The following DVL3 variants were observed in gnomAD, a reference collection of about 807,000 sequenced individuals.
DVL3 encodes dishevelled segment polarity protein 3.
In DVL3, 27 loss-of-function variants were observed where a neutral mutation model predicts 67.4. The observed-to-expected ratio is 0.40, with a 90% CI of 0.30 to 0.55. The LOEUF is 0.55. Ranked by LOEUF, DVL3 falls within the 20% of genes least tolerant of loss-of-function variation. The probability of loss-of-function intolerance (pLI) is 0.46; values close to 1 mark genes in which losing one functional copy is unlikely to be tolerated. For synonymous variants in DVL3, 369 were observed against 396.8 expected, an observed-to-expected ratio of 0.93 and a Z score of 0.83; for missense variants, 819 against 1,021.5, an observed-to-expected ratio of 0.80 and a Z score of 2.70.
Position 184,171,009 on chromosome 3 carries a change from C to T in DVL3, c.*254C>T, listed in dbSNP as rs1376691669. ...ATCCCTGCGCAGGACTTCCCAGGAC[C>T]CCTTTTGTCTCTGGGACCAGACTTG... On this transcript the variant is annotated 3_prime_UTR_variant, in exon 15 of 15. Coordinates refer to ENST00000313143, the MANE Select transcript of DVL3 (RefSeq NM_004423.4). The T allele has an allele frequency of 4.4e-5, 63 of 1,446,524 alleles. No homozygotes were observed. The highest frequency in any genetic ancestry group is 5.4e-5 in the Non-Finnish European group (59 of 1,093,796). The allele number at this position is 1,446,524 out of a possible 1,614,324, so 89.6% of individuals were successfully genotyped here.
At chr3:184,161,643 C>T (rs1714385579) in intron 1 of DVL3, among the ~76,000 whole-genome samples, 1 of 152,170 alleles carries the variant, frequency 6.6e-6, no homozygotes, top group Non-Finnish European at 1.5e-5. Flanking sequence ...CTTCTTGCCT[C>T]ACCACATTCC....
In DVL3 at chr3:184,166,738, C is replaced by T; in HGVS notation, c.1048+65C>T. 1 of 1,612,262 alleles carries T rather than the reference C, an allele frequency of 6.2e-7. No homozygotes were observed. The highest frequency in any genetic ancestry group is 8.5e-7 in the Non-Finnish European group (1 of 1,178,988). ...CATACATGAGCACTGTCTCTCCTTTCTTCTCTCACCCAGAACCCCCATATC... is the reference window on the plus strand; with the variant it reads ...CATACATGAGCACTGTCTCTCCTTTTTTCTCTCACCCAGAACCCCCATATC... On this transcript the variant is annotated intron_variant, in intron 10 of 14. Coordinates refer to ENST00000313143, the MANE Select transcript of DVL3 (RefSeq NM_004423.4). This position sits in a 1 kb window ranked among gnomAD's most constrained non-coding sequence, Gnocchi z 6.7.
chr3:184,163,863 C>A lies in DVL3; in HGVS notation c.231+137C>A. On this transcript the variant is annotated intron_variant, in intron 2 of 14. Transcript: ENST00000313143. This position sits in a 1 kb window ranked among gnomAD's most constrained non-coding sequence, Gnocchi z 4.5. ...CTTTAGTTTTGCAAATGAACTGCTT[C>A]TCACCCCAGATTCTGTAACCTTTGA... The A allele has an allele frequency of 1.3e-6, 1 of 741,052 alleles. No homozygotes were observed. Among genetic ancestry groups the A allele is most frequent in the East Asian group, 2.6e-5 (1 of 38,312 alleles). 45.9% of individuals were successfully genotyped at this position (741,052 alleles called of 1,614,324 possible).
Position 184,167,018 on chromosome 3 carries a change from A to AG in DVL3, c.1198+45dup. On this transcript the variant is annotated intron_variant, in intron 11 of 14. Transcript: ENST00000313143. This position sits in a 1 kb window ranked among gnomAD's most constrained non-coding sequence, Gnocchi z 4.6. Reference sequence around the variant, plus strand: ...TCTCCTGGGCCCAGCAGACAGGGCCAGGTGGGGGGACTGATGAGGGTCCAT... The same window carrying AG: ...TCTCCTGGGCCCAGCAGACAGGGCCAGGGTGGGGGGACTGATGAGGGTCCAT... 6.2e-7 allele frequency: 1 copy of AG among 1,604,240 alleles called. No individual in the cohort carries two copies.
In DVL3 at chr3:184,164,477, G is replaced by T; in HGVS notation, c.354-15G>T. 6.2e-7 allele frequency: 1 copy of T among 1,601,764 alleles called. No homozygotes were observed. On this transcript the variant is annotated splice_polypyrimidine_tract_variant and intron_variant, in intron 3 of 14. Coordinates refer to ENST00000313143, the MANE Select transcript of DVL3 (RefSeq NM_004423.4). The surrounding 1 kb of genome is among the most constrained non-coding windows in gnomAD (Gnocchi z 5.3). ...CCCAGCCTGCCCCCTCCCCCATCAA[G>T]TCTCTTCCCTGCAGCCCTCATGCTG...
intron 13 of DVL3, 129 bp from the exon 14 acceptor site, chr3:184,169,875 GCT>G (rs373702129): frequency 2.5e-6 from 2 of 802,514 alleles, no homozygotes; most frequent in African/African-American, 3.5e-5. Flanking sequence ...GAAGGGGGGA[GCT>G]CTCTGGGCTG....
chr3:184,164,298 C>T lies in DVL3; in HGVS notation c.263C>T (p.Pro88Leu). The change falls in exon 3 of 15, where the codon CCA becomes CTA. Residue 88 changes from proline to leucine, a missense_variant. Physicochemically the swap from Pro to Leu is moderately conservative, Grantham distance 98. Around this residue, in one of 3 missense-constraint regions of DVL3, gnomAD observed 385 missense variants for 486.8 expected, o/e 0.79. Coordinates refer to ENST00000313143, the MANE Select transcript of DVL3 (RefSeq NM_004423.4). The surrounding 1 kb of genome is among the most constrained non-coding windows in gnomAD (Gnocchi z 5.3). ...LVSAEGSHPD[P>L]APFCADNPSE... Reference sequence around the variant, plus strand: ...TCAGCTGAGGGCTCACACCCAGACCCAGCCCCCTTCTGTGCTGATAACCCA... The same window carrying T: ...TCAGCTGAGGGCTCACACCCAGACCTAGCCCCCTTCTGTGCTGATAACCCA... 1 of 1,614,180 alleles carries T rather than the reference C, an allele frequency of 6.2e-7. No homozygotes were observed.
Position 184,167,938 on chromosome 3 carries a change from C to G in DVL3, c.1371C>G (p.Gly457=), listed in dbSNP as rs144312496. The G allele has an allele frequency of 3.0e-4, 482 of 1,614,162 alleles. 1 individual carries two copies. Among genetic ancestry groups the G allele is most frequent in the Non-Finnish European group, 4.0e-4 (470 of 1,180,058 alleles). Residue 457 remains glycine, a synonymous_variant, in exon 13 of 15, where the codon GGC becomes GGG. Transcript: ENST00000313143. The surrounding 1 kb of genome is among the most constrained non-coding windows in gnomAD (Gnocchi z 4.6). ...ACTGGCTGTACCACAATGTGGAAGG[C>G]TTCACGGACCGGAGGGAGGCCCGCA... ...VVDWLYHNVE[G]FTDRREARKY... is the part of the protein sequence containing the mutation.
rs1363511400 is a variant in DVL3, at chr3:184,167,573, C to T, written c.1199-7C>T. 2 of 1,612,792 alleles carry T rather than the reference C, an allele frequency of 1.2e-6. No individual in the cohort carries two copies. Among genetic ancestry groups the T allele is most frequent in the African/African-American group, 1.3e-5 (1 of 75,060 alleles). ...TTCTGCCTCACCATTCTGCCTCCCA[C>T]CCCCAGGCCTAGACGACTTCCACTT... On this transcript the variant is annotated splice_polypyrimidine_tract_variant and splice_region_variant and intron_variant, in intron 11 of 14. Transcript: ENST00000313143. The surrounding 1 kb of genome is among the most constrained non-coding windows in gnomAD (Gnocchi z 4.6).
rs1262875093 is a variant in DVL3, at chr3:184,155,536, TTG to T, written c.-99_-98del. On this transcript the variant is annotated 5_prime_UTR_variant, in exon 1 of 15. Transcript: ENST00000313143. This position sits in a 1 kb window ranked among gnomAD's most constrained non-coding sequence, Gnocchi z 5.4. ...CGCCGCCAGCAGCCGCCGAGCTGGG[TTG>T]AGCCGCTGGGCCGCGCCGCGCGCCG... The T allele has an allele frequency of 1.0e-5, 8 of 776,442 alleles. No individual in the cohort carries two copies. Among genetic ancestry groups the T allele is most frequent in the Admixed American group, 6.4e-5 (1 of 15,634 alleles). 48.1% of individuals were successfully genotyped at this position (776,442 alleles called of 1,614,324 possible).
Position 184,171,051 on chromosome 3 carries a change from C to T in DVL3, c.*296C>T. ...CCAGACTTGTTGGTGCTACCCCTTACTCCCCTCTGCAACCCCCATTTTGGG... is the reference window on the plus strand; with the variant it reads ...CCAGACTTGTTGGTGCTACCCCTTATTCCCCTCTGCAACCCCCATTTTGGG... On this transcript the variant is annotated 3_prime_UTR_variant, in exon 15 of 15. Coordinates refer to ENST00000313143, the MANE Select transcript of DVL3 (RefSeq NM_004423.4). 7.6e-7 allele frequency: 1 copy of T among 1,317,780 alleles called. No homozygotes were observed. Among genetic ancestry groups the T allele is most frequent in the Non-Finnish European group, 9.8e-7 (1 of 1,023,772 alleles). 81.6% of individuals were successfully genotyped at this position (1,317,780 alleles called of 1,614,324 possible).
chr3:184,156,829 CCCTCCAGGCCTGAAGG>C, intron 1 of DVL3: 1 of 273,608 alleles, frequency 3.7e-6, no homozygotes, highest in Non-Finnish European at 7.3e-6. Context: ...TGGGGAAGGC[CCCTCCAGGCCTGAAGG>C]CTGCCTCTCC....
rs960523945 is a variant in DVL3, at chr3:184,167,418, A to C, written c.1199-162A>C. Among the ~76,000 whole-genome samples the C allele has an allele frequency of 3.3e-5, 5 of 152,204 alleles. No individual in the cohort carries two copies. Among genetic ancestry groups the C allele is most frequent in the African/African-American group, 1.2e-4 (5 of 41,444 alleles). ...AAATAGCCTTGTAAAGTAGATATTA[A>C]AATCCCCATTTTTTACAGAAGGGGA... On this transcript the variant is annotated intron_variant, in intron 11 of 14. Coordinates refer to ENST00000313143, the MANE Select transcript of DVL3 (RefSeq NM_004423.4). This position sits in a 1 kb window ranked among gnomAD's most constrained non-coding sequence, Gnocchi z 4.6.
chr3:184,160,676 G>C (rs763067370), intron 1 of DVL3, among the ~76,000 whole-genome samples: 1 of 152,146 alleles, frequency 6.6e-6, no homozygotes, highest in East Asian at 1.9e-4. Flanking sequence ...GTGGCCTGTC[G>C]ATGACCCCCA....
At chr3:184,157,056 C>G (rs944231291) in intron 1 of DVL3, 9 of 156,360 alleles carry the variant, frequency 5.8e-5, no homozygotes, top group Non-Finnish European at 1.3e-4. Flanking sequence ...TTGGATGAGC[C>G]CCTGAAATCA....
Position 184,166,304 on chromosome 3 carries a change from G to T in DVL3, c.903+39G>T. The T allele has an allele frequency of 6.2e-7, 1 of 1,607,498 alleles. No individual in the cohort carries two copies. On this transcript the variant is annotated intron_variant, in intron 8 of 14. Transcript: ENST00000313143. The surrounding 1 kb of genome is among the most constrained non-coding windows in gnomAD (Gnocchi z 6.7). ...TCCTAGGCGGTGGTGTGGATAGAGG[G>T]CAGGGAGGTGTCCTACCATCTGTAC... is the stretch of plus-strand genomic sequence containing the variant.
At position 184,164,232 on chromosome 3, in the gene DVL3, T is replaced by A; in HGVS notation, c.232-35T>A. ...ACTATCCCCTTCTCCTTGATGCTCCTGTAACATACTACTCACTCAGTTTCT... is the reference window on the plus strand; with the variant it reads ...ACTATCCCCTTCTCCTTGATGCTCCAGTAACATACTACTCACTCAGTTTCT... On this transcript the variant is annotated intron_variant, in intron 2 of 14. Transcript: ENST00000313143. The surrounding 1 kb of genome is among the most constrained non-coding windows in gnomAD (Gnocchi z 5.3). 1 of 1,609,192 alleles carries A rather than the reference T, an allele frequency of 6.2e-7. No homozygotes were observed. Among genetic ancestry groups the A allele is most frequent in the Non-Finnish European group, 8.5e-7 (1 of 1,177,564 alleles).
rs538247475 is a variant in DVL3, at chr3:184,166,802, C to T, written c.1049-24C>T. The T allele has an allele frequency of 7.3e-5, 117 of 1,613,586 alleles. No homozygotes were observed. The South Asian group carries it at 1.2e-3, about 16-fold the overall frequency. ...CCAGCAGTGGGTGGGGTGGGTAGCC[C>T]ATGACTCCTCATCCTCCCTGCAGGC... On this transcript the variant is annotated intron_variant, in intron 10 of 14. Transcript: ENST00000313143. This position sits in a 1 kb window ranked among gnomAD's most constrained non-coding sequence, Gnocchi z 6.7.
At position 184,165,230 on chromosome 3, in the gene DVL3, A is replaced by T. The variant is rs1441149345; in HGVS notation, c.693+24A>T. The T allele has an allele frequency of 6.4e-7, 1 of 1,571,928 alleles. No individual in the cohort carries two copies. Among genetic ancestry groups the T allele is most frequent in the African/African-American group, 1.4e-5 (1 of 73,930 alleles). On this transcript the variant is annotated intron_variant, in intron 6 of 14. Coordinates refer to ENST00000313143, the MANE Select transcript of DVL3 (RefSeq NM_004423.4). This position sits in a 1 kb window ranked among gnomAD's most constrained non-coding sequence, Gnocchi z 4.1. ...GGGTATGGGGTCTGGGAGGCTAGGG[A>T]TGGGTGGAGGCAGATTGTGAGCCCT...
Sources: gnomAD v4.1 joint callset for allele counts (sites outside exome capture counted in the v4.1 genomes callset) on GRCh38, gnomAD v4.1.1 for gene constraint, gnomAD v4.1.1 regional missense constraint, Gnocchi (gnomAD v3.1) non-coding constraint, MANE v1.5 for transcripts, NCBI Gene and HGNC (gene_info 2026-07-23, HGNC 2026-07-21) for gene names.